TMCO1: variants seen among roughly 807,000 people sequenced by gnomAD.
TMCO1 encodes transmembrane and coiled-coil domains 1.
Under a neutral mutation model 29.3 loss-of-function variants are expected in TMCO1, and 29 were observed. The ratio of observed to expected loss-of-function variants is 0.99; its 90% CI spans 0.74 to 1.35. The LOEUF is 1.35. Among genes scored for constraint, TMCO1 ranks in the 40% most tolerant of loss-of-function variants. TMCO1 has a pLI of 0.00. For synonymous variants in TMCO1, 80 were observed against 77.1 expected, an observed-to-expected ratio of 1.04 and a Z score of -0.20; for missense variants, 173 against 225.5, an observed-to-expected ratio of 0.77 and a Z score of 1.49.
chr1:165,729,493 T>G (rs1651058201), intron 6 of TMCO1, among the ~76,000 whole-genome samples: 1 of 151,658 alleles, frequency 6.6e-6, no homozygotes, highest in Non-Finnish European at 1.5e-5. Flanking sequence ...ATTTTTGTAT[T>G]TTTTTTAGTA....
At chr1:165,738,979 T>C (rs922209053) in intron 6 of TMCO1, among the ~76,000 whole-genome samples, 6 of 152,174 alleles carry the variant, frequency 3.9e-5, no homozygotes, top group African/African-American at 1.4e-4. Flanking sequence ...GCACTCTCTA[T>C]GAACCAGGCA....
intron 2 of TMCO1, 89 bp from the exon 3 acceptor site, chr1:165,759,673 A>C: frequency 8.6e-7 from 1 of 1,163,664 alleles, no homozygotes; most frequent in Admixed American, 1.9e-5. Context: ...CAATGAAAGA[A>C]GCTTGCAAGA....
chr1:165,747,455 A>G (rs974866159), intron 5 of TMCO1, among the ~76,000 whole-genome samples: 4 of 152,222 alleles, frequency 2.6e-5, no homozygotes. Context: ...TAATACCTCA[A>G]AATTAATGTA....
intron 5 of TMCO1, among the ~76,000 whole-genome samples, chr1:165,747,346 CTTAT>C (rs1651838616): frequency 7.9e-6 from 1 of 125,804 alleles, no homozygotes; most frequent in Admixed American, 8.3e-5. Flanking sequence ...TGAAATATTA[CTTAT>C]ACTTATTTGG....
chr1:165,763,385 C>A (rs1311211320), intron 2 of TMCO1, among the ~76,000 whole-genome samples: 2 of 152,106 alleles, frequency 1.3e-5, no homozygotes, highest in Admixed American at 6.6e-5. Context: ...GTACTTACTA[C>A]AGTAAACTAA....
intron 5 of TMCO1, 79 bp from the exon 6 acceptor site, chr1:165,743,390 C>T: frequency 6.9e-7 from 1 of 1,456,108 alleles, no homozygotes; most frequent in East Asian, 2.3e-5. Context: ...GAATCTGGGA[C>T]AGAAATAGAG....
chr1:165,745,525 T>C (rs1337722207), intron 5 of TMCO1, among the ~76,000 whole-genome samples: 7 of 147,514 alleles, frequency 4.7e-5, no homozygotes, highest in African/African-American at 1.7e-4. Flanking sequence ...TGCATGTCTG[T>C]AGTCCCAGCT....
chr1:165,763,906 C>G (rs1186757354), intron 2 of TMCO1, among the ~76,000 whole-genome samples: 1 of 152,190 alleles, frequency 6.6e-6, no homozygotes, highest in Non-Finnish European at 1.5e-5. Flanking sequence ...GGATTACAGG[C>G]GTAAGCCACT....
At chr1:165,765,200 T>C (rs1353439961) in intron 2 of TMCO1, among the ~76,000 whole-genome samples, 1 of 152,152 alleles carries the variant, frequency 6.6e-6, no homozygotes, top group Non-Finnish European at 1.5e-5. Flanking sequence ...TACAGTATAT[T>C]AGAAAGTAAT....
chr1:165,738,999 C>A (rs1315834721), intron 6 of TMCO1, among the ~76,000 whole-genome samples: 1 of 152,070 alleles, frequency 6.6e-6, no homozygotes, highest in Non-Finnish European at 1.5e-5. Context: ...AGGAAACAGG[C>A]CCTCACTAGA....
At chr1:165,738,520 CAT>C (rs927749015) in intron 6 of TMCO1, among the ~76,000 whole-genome samples, 3 of 152,010 alleles carry the variant, frequency 2.0e-5, no homozygotes, top group African/African-American at 7.3e-5. Flanking sequence ...GCAAATAAAA[CAT>C]GTGGAAATAG....
intron 2 of TMCO1, among the ~76,000 whole-genome samples, chr1:165,761,161 T>C (rs1247811841): frequency 6.9e-6 from 1 of 144,702 alleles, no homozygotes; most frequent in Admixed American, 7.0e-5. Context: ...AAAATATGTG[T>C]TTTGTGTATT....
At position 165,743,193 on chromosome 1, in the gene TMCO1, T is replaced by C. The variant is rs1651662276; in HGVS notation, c.442A>G (p.Ile148Val). Residue 148 changes from isoleucine (I) to valine (V), a missense_variant, in exon 6 of 7, where the codon ATT (isoleucine) becomes GTT (valine). Transcript: ENST00000367881. ...TGTCGAATCGACATAGTACAGAGAATATACAGGAAAATGAAGGAACAGTCT... is the reference window on the plus strand; with the variant it reads ...TGTCGAATCGACATAGTACAGAGAACATACAGGAAAATGAAGGAACAGTCT... Reference protein sequence around the residue: ...TTDCSFIFLYILCTMSIRQNI... With the variant: ...TTDCSFIFLYVLCTMSIRQNI... 6.2e-7 allele frequency: 1 copy of C among 1,613,548 alleles called. No individual in the cohort carries two copies. Among genetic ancestry groups the C allele is most frequent in the Non-Finnish European group, 8.5e-7 (1 of 1,179,972 alleles).
At chr1:165,768,457 C>G (rs544323759) in intron 1 of TMCO1, 188 bp from the exon 2 acceptor site, 1 of 1,534,886 alleles carries the variant, frequency 6.5e-7, no homozygotes, top group East Asian at 2.4e-5. Context: ...GAAGGTGTCT[C>G]CACAAATACC....
At chr1:165,761,768 G>A (rs1652413718) in intron 2 of TMCO1, among the ~76,000 whole-genome samples, 1 of 151,678 alleles carries the variant, frequency 6.6e-6, no homozygotes, top group Non-Finnish European at 1.5e-5. Flanking sequence ...GGGCAACACG[G>A]TGAAACCTCG....
At chr1:165,754,390 A>AGATGAT (rs1652114471) in intron 3 of TMCO1, 116 bp from the exon 4 acceptor site, 2 of 810,886 alleles carry the variant, frequency 2.5e-6, no homozygotes, top group African/African-American at 1.7e-5. Context: ...TCATTTAATA[A>AGATGAT]GATGATGAAA....
At position 165,759,417 on chromosome 1, in the gene TMCO1, A is replaced by G; in HGVS notation, c.208+108T>C. On this transcript the variant is annotated intron_variant, in intron 3 of 6. Coordinates refer to ENST00000367881, the MANE Select transcript of TMCO1 (RefSeq NM_019026.6). ...ATGCATGTGCTTTATAAACCATAAA[A>G]TCATAGAAATGTGAGTTATCACTAT... 1.2e-5 allele frequency: 10 copies of G among 841,010 alleles called. No homozygotes were observed. The South Asian group carries it at 1.6e-4, about 13-fold the overall frequency. The allele number at this position is 841,010 out of a possible 1,614,324, so 52.1% of individuals were successfully genotyped here.
At position 165,727,265 on chromosome 1, in the gene TMCO1, G is replaced by T. The variant is rs945603762; in HGVS notation, c.*758C>A. On this transcript the variant is annotated 3_prime_UTR_variant, in exon 7 of 7. Transcript: ENST00000367881. ...ATAGGATATGAAGAGAACAGCTGAGGACCCTCATTTTTATTTATTTATTTA... is the reference window on the plus strand; with the variant it reads ...ATAGGATATGAAGAGAACAGCTGAGTACCCTCATTTTTATTTATTTATTTA... 2.9e-5 allele frequency: 13 copies of T among 447,060 alleles called. No homozygotes were observed. Among genetic ancestry groups the T allele is most frequent in the Non-Finnish European group, 4.9e-5 (11 of 224,780 alleles). 27.7% of individuals were successfully genotyped at this position (447,060 alleles called of 1,614,324 possible). A position where few individuals can be genotyped will look rare whatever the true frequency, so the allele number is the denominator to read the frequency against.
downstream of TMCO1, chr1:165,724,736 C>CA (rs1326944065): frequency 2.2e-6 from 1 of 452,978 alleles, no homozygotes; most frequent in East Asian, 6.9e-5. Flanking sequence ...CAAAAAACTG[C>CA]AAAAATTTTT....
Sources: gnomAD v4.1 joint callset for allele counts (sites outside exome capture counted in the v4.1 genomes callset) on GRCh38, gnomAD v4.1.1 for gene constraint, MANE v1.5 for transcripts, NCBI Gene and HGNC (gene_info 2026-07-23, HGNC 2026-07-21) for gene names.